Variants in ATP8B1 observed in about 807,000 individuals in gnomAD.
ATP8B1 encodes ATPase phospholipid transporting 8B1, also known as phospholipid-transporting ATPase IC.
ATP8B1 carries 80 observed loss-of-function variants against 149.9 expected under a neutral mutation model. The observed-to-expected ratio is 0.53, with a 90% CI of 0.45 to 0.64. The LOEUF is 0.64. ATP8B1 is among the 30% of genes least tolerant of loss of function. The probability of loss-of-function intolerance (pLI) is 0.00; values close to 1 mark genes in which losing one functional copy is unlikely to be tolerated. For missense variants in ATP8B1, 1,247 were observed against 1,552.6 expected (o/e 0.80, Z 3.31); for synonymous variants, 536 against 562.8 (o/e 0.95, Z 0.67).
chr18:57,744,770 A>C (rs2079950164), intron 1 of ATP8B1, among the ~76,000 whole-genome samples: 2 of 152,248 alleles, frequency 1.3e-5, no homozygotes, highest in African/African-American at 4.8e-5. Flanking sequence ...AATTAATTTT[A>C]ATGTTAGAAG....
At position 57,661,325 on chromosome 18, in the gene ATP8B1, G is replaced by A; in HGVS notation, c.2556C>T (p.Asn852=). The A allele has an allele frequency of 6.2e-7, 1 of 1,613,956 alleles. No homozygotes were observed. Among genetic ancestry groups the A allele is most frequent in the East Asian group, 2.2e-5 (1 of 44,838 alleles). Residue 852 remains asparagine, a synonymous_variant, in exon 22 of 28, where the codon AAC becomes AAT. Coordinates refer to ENST00000648908, the MANE Select transcript of ATP8B1 (RefSeq NM_001374385.1). ...TGCACTCGCAGGCCAGGTCCACAAA[G>A]TTTTTCTGCCGCTGCTCTTTCTTAG... ...LEAKKEQRQK[N]FVDLACECSA... is the part of the protein sequence containing the mutation.
chr18:57,712,400 G>C (rs988956798), intron 2 of ATP8B1, among the ~76,000 whole-genome samples: 1 of 152,168 alleles, frequency 6.6e-6, no homozygotes, highest in Non-Finnish European at 1.5e-5. Flanking sequence ...GTTACAGACA[G>C]TAGAAAGCAA....
intron 2 of ATP8B1, among the ~76,000 whole-genome samples, chr18:57,727,806 A>G (rs540282342): frequency 1.7e-4 from 26 of 151,962 alleles, no homozygotes; most frequent in African/African-American, 6.3e-4. Context: ...ACAAACAAAC[A>G]AACAACAAGA....
chr18:57,684,864 C>T (rs913061209), intron 14 of ATP8B1, among the ~76,000 whole-genome samples: 1 of 152,134 alleles, frequency 6.6e-6, no homozygotes, highest in Non-Finnish European at 1.5e-5. Context: ...CACAGACACA[C>T]GGGGGACACC....
intron 27 of ATP8B1, among the ~76,000 whole-genome samples, chr18:57,649,934 C>A (rs974133888): frequency 1.3e-5 from 2 of 152,076 alleles, no homozygotes; most frequent in African/African-American, 4.8e-5. Context: ...ATCAACTGGG[C>A]CTGAAGCCTA....
intron 14 of ATP8B1, 95 bp downstream of exon 14, chr18:57,684,977 A>G (rs1331710707): frequency 5.8e-5 from 87 of 1,496,028 alleles, no homozygotes; most frequent in Non-Finnish European, 7.5e-5. Context: ...AGAGGCAACG[A>G]AAGAGTCTTC....
intron 2 of ATP8B1, among the ~76,000 whole-genome samples, chr18:57,712,067 A>ATG (rs1235954744): frequency 6.6e-6 from 1 of 151,208 alleles, no homozygotes; most frequent in African/African-American, 2.4e-5. Flanking sequence ...ATATATATAT[A>ATG]TGGCGAATAT....
At position 57,652,544 on chromosome 18, in the gene ATP8B1, G is replaced by T. The variant is rs777459332; in HGVS notation, c.3201C>A (p.Ser1067=). 4.3e-6 allele frequency: 7 copies of T among 1,614,036 alleles called. No individual in the cohort carries two copies. The African/African-American group carries it at 9.3e-5, about 22-fold the overall frequency. ...QTVGQDGEAP[S]DYQSFAVTIA... is the part of the protein sequence containing the mutation. ...TGGTGACGGCAAAAGACTGGTAGTC[G>T]GAAGGTGCCTCTCCATCCTGCCCTA... Residue 1067 remains serine, a synonymous_variant, in exon 25 of 28, where the codon TCC becomes TCA. Coordinates refer to ENST00000648908, the MANE Select transcript of ATP8B1 (RefSeq NM_001374385.1).
chr18:57,686,570 A>G (rs990815098), intron 13 of ATP8B1, among the ~76,000 whole-genome samples: 1 of 152,008 alleles, frequency 6.6e-6, no homozygotes, highest in African/African-American at 2.4e-5. Context: ...AGAGGCATCC[A>G]CCACCACGCC....
intron 2 of ATP8B1, among the ~76,000 whole-genome samples, chr18:57,716,542 A>G (rs1313284540): frequency 6.6e-6 from 1 of 152,208 alleles, no homozygotes; most frequent in African/African-American, 2.4e-5. Flanking sequence ...ACCTATATTT[A>G]TATCAGACAA....
At chr18:57,659,590 A>G (rs770724522) in intron 22 of ATP8B1, among the ~76,000 whole-genome samples, 1 of 151,184 alleles carries the variant, frequency 6.6e-6, no homozygotes, top group African/African-American at 2.4e-5. Flanking sequence ...CTGGCTGGCT[A>G]TGGAGGAAAG....
At chr18:57,764,450 G>A (rs901482695) in intron 1 of ATP8B1, among the ~76,000 whole-genome samples, 1 of 137,434 alleles carries the variant, frequency 7.3e-6, no homozygotes, top group African/African-American at 2.7e-5. Context: ...ACCGAGTCTT[G>A]CTCTGTAGCC....
At chr18:57,684,322 A>AAG in intron 14 of ATP8B1, 130 bp from the exon 15 acceptor site, 1 of 1,001,282 alleles carries the variant, frequency 1.0e-6, no homozygotes, top group African/African-American at 1.6e-5. Flanking sequence ...GCACATTCTT[A>AAG]AATGTCAAGA....
At chr18:57,779,896 T>TG (rs1568068497) in intron 1 of ATP8B1, among the ~76,000 whole-genome samples, 8 of 93,760 alleles carry the variant, frequency 8.5e-5, no homozygotes, top group Non-Finnish European at 2.0e-4. Context: ...AAACTCCGTC[T>TG]CAAAAAAAAA....
At chr18:57,771,752 T>C (rs2080265498) in intron 1 of ATP8B1, among the ~76,000 whole-genome samples, 1 of 152,120 alleles carries the variant, frequency 6.6e-6, no homozygotes, top group African/African-American at 2.4e-5. Context: ...GCACCATCAA[T>C]ATAAATTAGT....
At chr18:57,800,561 A>G (rs1300808601) in intron 1 of ATP8B1, among the ~76,000 whole-genome samples, 4 of 152,348 alleles carry the variant, frequency 2.6e-5, no homozygotes, top group African/African-American at 9.6e-5. Context: ...TCTTAAAAAT[A>G]TACCAGATAC....
chr18:57,734,975 G>T (rs970716855), intron 1 of ATP8B1, among the ~76,000 whole-genome samples: 1 of 152,184 alleles, frequency 6.6e-6, no homozygotes, highest in African/African-American at 2.4e-5. Context: ...GGCAAAAACA[G>T]GAGGTAAAGA....
At chr18:57,768,567 A>AT (rs1425481723) in intron 1 of ATP8B1, among the ~76,000 whole-genome samples, 1 of 86,870 alleles carries the variant, frequency 1.2e-5, no homozygotes, top group Non-Finnish European at 2.3e-5. Context: ...CTAAAAGGCC[A>AT]TTTTTACTGT....
Position 57,784,501 on chromosome 18 carries a change from C to T in ATP8B1, c.-26+18497G>A, listed in dbSNP as rs967807536. ...AGGTAGAAGCAACAGGCCTTGGAGA[C>T]GGATTGGAAATGAAAGCAGGGTGCA... On this transcript the variant is annotated intron_variant, in intron 1 of 27. Transcript: ENST00000648908. This position sits in a 1 kb window ranked among gnomAD's most constrained non-coding sequence, Gnocchi z 4.4. 6.6e-5 allele frequency among the ~76,000 whole-genome samples: 10 copies of T among 152,078 alleles called. No individual in the cohort carries two copies. Among genetic ancestry groups the T allele is most frequent in the East Asian group, 5.8e-4 (3 of 5,164 alleles).
Sources: gnomAD v4.1 joint callset for allele counts (sites outside exome capture counted in the v4.1 genomes callset) on GRCh38, gnomAD v4.1.1 for gene constraint, Gnocchi (gnomAD v3.1) non-coding constraint, MANE v1.5 for transcripts, NCBI Gene and HGNC (gene_info 2026-07-23, HGNC 2026-07-21) for gene names.